The following CNTN5 variants were observed in gnomAD, a reference collection of about 807,000 sequenced individuals.
CNTN5 encodes contactin-5.
CNTN5 carries 77 observed loss-of-function variants against 129.1 expected under a neutral mutation model. The observed-to-expected ratio is 0.60, with a 90% CI of 0.50 to 0.72. The LOEUF is 0.72. Ranked by LOEUF, CNTN5 falls within the 30% of genes least tolerant of loss-of-function variation. The pLI, the probability that CNTN5 is intolerant of heterozygous loss-of-function variation, is 0.00. For missense variants in CNTN5, 1,478 were observed against 1,328.8 expected, an observed-to-expected ratio of 1.11 and a Z score of -1.75; for synonymous variants, 509 against 465.6, an observed-to-expected ratio of 1.09 and a Z score of -1.20.
intron 16 of CNTN5, 155 bp downstream of exon 16, chr11:100,224,967 A>C (rs1949341345): frequency 2.9e-6 from 2 of 678,036 alleles, no homozygotes; most frequent in Non-Finnish European, 2.2e-6. Flanking sequence ...GCCTTTGAAA[A>C]AATTACATGG....
intron 20 of CNTN5, among the ~76,000 whole-genome samples, chr11:100,305,968 C>CA (rs1053333657): frequency 6.9e-6 from 1 of 144,272 alleles, no homozygotes; most frequent in South Asian, 2.2e-4. Context: ...AAAAAAATTA[C>CA]AAAAAAAATC....
intron 13 of CNTN5, among the ~76,000 whole-genome samples, chr11:100,152,143 ATTG>A (rs1223909604): frequency 2.0e-5 from 3 of 152,096 alleles, no homozygotes; most frequent in African/African-American, 7.2e-5. Flanking sequence ...GCCTGCCTGA[ATTG>A]TTGTGACTTC....
intron 2 of CNTN5, among the ~76,000 whole-genome samples, chr11:99,519,592 A>G (rs1947193826): frequency 6.6e-6 from 1 of 152,102 alleles, no homozygotes; most frequent in South Asian, 2.1e-4. Flanking sequence ...TTATGCTCTC[A>G]TTTATAATAC....
chr11:100,082,613 C>A (rs1235734443), intron 13 of CNTN5, among the ~76,000 whole-genome samples: 1 of 152,034 alleles, frequency 6.6e-6, no homozygotes, highest in East Asian at 1.9e-4. Context: ...TTTTTAATTA[C>A]ATTTTTGATG....
At position 99,861,450 on chromosome 11, in the gene CNTN5, G is replaced by T. The variant is rs79025487; in HGVS notation, c.577+16188G>T. ...AGCACACTGATTATGCCGATACAATGATACAAAGAGAAGATGCATGCCAAC... is the reference window on the plus strand; with the variant it reads ...AGCACACTGATTATGCCGATACAATTATACAAAGAGAAGATGCATGCCAAC... On this transcript the variant is annotated intron_variant, in intron 6 of 24. Coordinates refer to ENST00000524871, the MANE Select transcript of CNTN5 (RefSeq NM_014361.4). 7.1e-3 allele frequency among the ~76,000 whole-genome samples: 1,083 copies of T among 152,246 alleles called. 18 individuals carry two copies. The highest frequency in any genetic ancestry group is 0.025 in the African/African-American group (1,035 of 41,532).
chr11:99,217,828 C>G (rs1860206645), intron 1 of CNTN5, among the ~76,000 whole-genome samples: 1 of 151,964 alleles, frequency 6.6e-6, no homozygotes, highest in African/African-American at 2.4e-5. Context: ...TAGATTGCAT[C>G]CCCTCTCACT....
At chr11:100,063,721 A>T (rs998020088) in intron 10 of CNTN5, among the ~76,000 whole-genome samples, 2 of 151,668 alleles carry the variant, frequency 1.3e-5, no homozygotes, top group South Asian at 4.2e-4. Flanking sequence ...AAAAAAAAAA[A>T]AAAAAAATAC....
intron 1 of CNTN5, among the ~76,000 whole-genome samples, chr11:99,186,930 A>G (rs1291462433): frequency 5.9e-5 from 9 of 151,972 alleles, no homozygotes. Flanking sequence ...GGCAAAGTAG[A>G]TAGAGAAATG....
intron 1 of CNTN5, among the ~76,000 whole-genome samples, chr11:99,119,528 A>C (rs11218456): frequency 0.35 from 53,667 of 152,006 alleles, 10,845 homozygotes; most frequent in Non-Finnish European, 0.45. Flanking sequence ...TTCTTTATTC[A>C]GTATACCATT....
intron 1 of CNTN5, among the ~76,000 whole-genome samples, chr11:99,301,799 A>G (rs987291943): frequency 6.6e-6 from 1 of 151,788 alleles, no homozygotes; most frequent in African/African-American, 2.4e-5. Context: ...CTTAATGTAC[A>G]TGAAACTTCT....
chr11:99,811,029 A>G (rs1290825680), intron 3 of CNTN5, among the ~76,000 whole-genome samples: 2 of 152,128 alleles, frequency 1.3e-5, no homozygotes, highest in Non-Finnish European at 2.9e-5. Context: ...TTTACACAAG[A>G]GCCTAAACAG....
At chr11:99,194,975 A>C (rs912525528) in intron 1 of CNTN5, among the ~76,000 whole-genome samples, 1 of 152,180 alleles carries the variant, frequency 6.6e-6, no homozygotes, top group Admixed American at 6.5e-5. Flanking sequence ...ACGAACACGA[A>C]GTCAAGTGAC....
intron 13 of CNTN5, among the ~76,000 whole-genome samples, chr11:100,103,109 T>C (rs1315889861): frequency 6.6e-6 from 1 of 152,204 alleles, no homozygotes; most frequent in East Asian, 1.9e-4. Flanking sequence ...TTCAACTCAT[T>C]CTGCATGCAG....
chr11:99,117,120 G>A (rs767007242), intron 1 of CNTN5, among the ~76,000 whole-genome samples: 19 of 152,138 alleles, frequency 1.2e-4, no homozygotes, highest in Non-Finnish European at 2.2e-4. Context: ...AGGAAGAATT[G>A]GTTCTAGGCA....
At chr11:99,878,407 C>T (rs1948688287) in intron 6 of CNTN5, among the ~76,000 whole-genome samples, 1 of 152,126 alleles carries the variant, frequency 6.6e-6, no homozygotes, top group Non-Finnish European at 1.5e-5. Flanking sequence ...AGTTATTGTA[C>T]AACTTACAAT....
chr11:99,190,949 T>G (rs894269195), intron 1 of CNTN5, among the ~76,000 whole-genome samples: 2 of 151,730 alleles, frequency 1.3e-5, no homozygotes, highest in Admixed American at 1.3e-4. Context: ...TTTCACCTTT[T>G]CACTGTTCAG....
intron 1 of CNTN5, among the ~76,000 whole-genome samples, chr11:99,089,384 C>G (rs1482118594): frequency 2.0e-5 from 3 of 152,082 alleles, no homozygotes; most frequent in Admixed American, 1.3e-4. Flanking sequence ...TTATATAGAT[C>G]AACTATTTTA....
chr11:99,108,589 A>G (rs1857631454), intron 1 of CNTN5, among the ~76,000 whole-genome samples: 1 of 152,206 alleles, frequency 6.6e-6, no homozygotes, highest in Admixed American at 6.5e-5. Context: ...TAATTGTATA[A>G]GCATAATATC....
At chr11:99,084,362 T>A (rs1363320562) in intron 1 of CNTN5, among the ~76,000 whole-genome samples, 1 of 152,230 alleles carries the variant, frequency 6.6e-6, no homozygotes, top group Non-Finnish European at 1.5e-5. Context: ...TATTTGGCCC[T>A]AGGCAACTTA....
Sources: gnomAD v4.1 joint callset for allele counts (sites outside exome capture counted in the v4.1 genomes callset) on GRCh38, gnomAD v4.1.1 for gene constraint, MANE v1.5 for transcripts, NCBI Gene and HGNC (gene_info 2026-07-23, HGNC 2026-07-21) for gene names.